CCDC122: variants seen among roughly 807,000 people sequenced by gnomAD.
CCDC122 encodes the protein coiled-coil domain-containing protein 122.
Under a neutral mutation model 37.0 loss-of-function variants are expected in CCDC122, and 38 were observed. That is an observed-to-expected ratio of 1.03 (90% confidence interval 0.79 to 1.35). CCDC122 has a LOEUF of 1.35. Among genes scored for constraint, CCDC122 ranks in the 40% most tolerant of loss-of-function variants. The pLI is 0.00. For missense variants in CCDC122, 305 were observed against 310.0 expected, an observed-to-expected ratio of 0.98 and a Z score of 0.12; for synonymous variants, 83 against 95.6, an observed-to-expected ratio of 0.87 and a Z score of 0.77.
intron 2 of CCDC122, among the ~76,000 whole-genome samples, chr13:43,872,598 T>C (rs1954486016): frequency 6.6e-6 from 1 of 152,184 alleles, no homozygotes; most frequent in Non-Finnish European, 1.5e-5. Context: ...AAATTACCCA[T>C]CTACCAGATT....
At chr13:43,855,960 A>T (rs1953894512) in intron 6 of CCDC122, 2 of 152,232 alleles carry the variant, frequency 1.3e-5, no homozygotes, top group Admixed American at 6.5e-5. Context: ...ATCAACCTAA[A>T]TGCCCATCAG....
chr13:43,861,187 A>G (rs561705092), intron 4 of CCDC122, among the ~76,000 whole-genome samples: 1 of 152,252 alleles, frequency 6.6e-6, no homozygotes, highest in East Asian at 1.9e-4. Flanking sequence ...TTCTCCTCCA[A>G]TGGGCCAACC....
chr13:43,848,852 G>A (rs1456720576), intron 6 of CCDC122: 7 of 967,592 alleles, frequency 7.2e-6, no homozygotes, highest in South Asian at 4.8e-5. Flanking sequence ...TTCTTGAACT[G>A]TAACAAGGCC....
At chr13:43,829,548 T>G (rs1005942334) in intron 3 of CCDC122, among the ~76,000 whole-genome samples, 4 of 152,020 alleles carry the variant, frequency 2.6e-5, no homozygotes, top group African/African-American at 9.7e-5. Context: ...TCAAGTGATC[T>G]GCCTGCCTTG....
intron 3 of CCDC122, among the ~76,000 whole-genome samples, chr13:43,828,722 T>A (rs1244371340): frequency 6.6e-6 from 1 of 152,090 alleles, no homozygotes; most frequent in Non-Finnish European, 1.5e-5. Context: ...TTGCCATCAG[T>A]TTCCTGTTTG....
intron 6 of CCDC122, among the ~76,000 whole-genome samples, chr13:43,841,628 T>A (rs560675070): frequency 6.6e-6 from 1 of 152,368 alleles, no homozygotes; most frequent in Admixed American, 6.5e-5. Context: ...TTTCTTTCTT[T>A]ACGCATCCTG....
downstream of CCDC122, among the ~76,000 whole-genome samples, chr13:43,822,119 G>C (rs1006452425): frequency 2.6e-5 from 4 of 152,304 alleles, no homozygotes; most frequent in African/African-American, 9.6e-5. Flanking sequence ...GGGCTGGTTT[G>C]TGCCCCTCCT....
intron 6 of CCDC122, among the ~76,000 whole-genome samples, chr13:43,844,181 T>C (rs1409753993): frequency 6.6e-6 from 1 of 151,982 alleles, no homozygotes; most frequent in Non-Finnish European, 1.5e-5. Flanking sequence ...AACTTAATTT[T>C]CCTGTAAACA....
rs77941962 is a variant in CCDC122 at position 43,869,559 on chromosome 13, T to C, written c.-113-70A>G. 2.7e-4 allele frequency: 143 copies of C among 539,606 alleles called. No homozygotes were observed. In the East Asian group the frequency reaches 4.8e-3, roughly 18 times the overall value. The allele number at this position is 539,606 out of a possible 1,614,324, so 33.4% of individuals were successfully genotyped here. A position where few individuals can be genotyped will look rare whatever the true frequency, so the allele number is the denominator to read the frequency against. ...GACATTTTATCATTAGTGCCAAGAA[T>C]TAGAATACAATGGTTAAGTGATTTT... On this transcript the variant is annotated intron_variant, in intron 2 of 6. Transcript: ENST00000444614.
chr13:43,857,867 T>C (rs1181289782), intron 6 of CCDC122, among the ~76,000 whole-genome samples: 2 of 152,248 alleles, frequency 1.3e-5, no homozygotes, highest in African/African-American at 4.8e-5. Flanking sequence ...CGCACCACTG[T>C]ACTCCAGTCT....
chr13:43,825,078 C>T (rs1455671765), intron 3 of CCDC122, among the ~76,000 whole-genome samples: 2 of 152,162 alleles, frequency 1.3e-5, no homozygotes, highest in Non-Finnish European at 2.9e-5. Context: ...AATTGTTCTA[C>T]CAAAAAGACC....
intron 6 of CCDC122, among the ~76,000 whole-genome samples, chr13:43,857,983 T>C (rs1031089001): frequency 8.5e-5 from 13 of 152,234 alleles, no homozygotes; most frequent in African/African-American, 2.2e-4. Flanking sequence ...TTTATTGTTT[T>C]ATAATGAACC....
chr13:43,838,638 A>G (rs1427493865), intron 6 of CCDC122, among the ~76,000 whole-genome samples: 3 of 152,196 alleles, frequency 2.0e-5, no homozygotes, highest in Admixed American at 2.0e-4. Flanking sequence ...AGAAATTGAC[A>G]CAAGGCTGAG....
chr13:43,837,488 T>C (rs530831908), intron 6 of CCDC122, 59 bp from the exon 7 acceptor site: 102 of 1,476,484 alleles, frequency 6.9e-5, no homozygotes, highest in Non-Finnish European at 9.2e-5. Flanking sequence ...TAAACAGCCA[T>C]AAATAATATT....
At chr13:43,875,975 G>A (rs1954597483) in intron 1 of CCDC122, among the ~76,000 whole-genome samples, 1 of 152,182 alleles carries the variant, frequency 6.6e-6, no homozygotes, top group South Asian at 2.1e-4. Context: ...GAAAGGTAGA[G>A]GGCTACTTGA....
At chr13:43,860,967 C>A (rs1026651820) in intron 4 of CCDC122, among the ~76,000 whole-genome samples, 2 of 152,172 alleles carry the variant, frequency 1.3e-5, no homozygotes, top group Non-Finnish European at 2.9e-5. Flanking sequence ...TAGCATACAA[C>A]AATACATAAG....
intron 4 of CCDC122, among the ~76,000 whole-genome samples, chr13:43,865,824 T>A (rs1483717923): frequency 6.6e-6 from 1 of 152,220 alleles, no homozygotes; most frequent in Admixed American, 6.5e-5. Context: ...ACCATAGATC[T>A]TAGCAACTTC....
At chr13:43,822,525 G>A (rs1953001613), downstream of CCDC122, among the ~76,000 whole-genome samples, 1 of 152,234 alleles carries the variant, frequency 6.6e-6, no homozygotes, top group Admixed American at 6.5e-5. Flanking sequence ...TTCTTTAAGG[G>A]TGGTAAGTTC....
intron 2 of CCDC122, among the ~76,000 whole-genome samples, chr13:43,871,633 C>G (rs1954456379): frequency 6.6e-6 from 1 of 152,090 alleles, no homozygotes; most frequent in South Asian, 2.1e-4. Context: ...TTTGACTTCT[C>G]AAATTCATGG....
Sources: gnomAD v4.1 joint callset for allele counts (sites outside exome capture counted in the v4.1 genomes callset) on GRCh38, gnomAD v4.1.1 for gene constraint, MANE v1.5 for transcripts, NCBI Gene and HGNC (gene_info 2026-07-23, HGNC 2026-07-21) for gene names.